The following BAG6 variants were observed in gnomAD, a reference collection of about 807,000 sequenced individuals.
The protein encoded by BAG6 is large proline-rich protein BAG6.
A neutral mutation model predicts 121.0 loss-of-function variants in BAG6; 22 were observed. The observed-to-expected ratio is 0.18, with a 90% CI of 0.13 to 0.26. The LOEUF (loss-of-function observed/expected upper bound fraction) is 0.26. BAG6 is among the 10% of genes least tolerant of loss of function. The probability of loss-of-function intolerance (pLI) is 1.00; values close to 1 mark genes in which losing one functional copy is unlikely to be tolerated. For synonymous variants in BAG6, 583 were observed against 584.6 expected, an observed-to-expected ratio of 1.00 and a Z score of 0.04; for missense variants, 1,233 against 1,537.7, an observed-to-expected ratio of 0.80 and a Z score of 3.31.
chr6:31,651,595 G>A (rs1353360917), intron 2 of BAG6, 61 bp downstream of exon 2: 1 of 1,450,392 alleles, frequency 6.9e-7, no homozygotes. Context: ...CATCTCTCAG[G>A]CTAAGGGGCC....
rs62395805 is a variant in BAG6 at position 31,644,591 on chromosome 6, G to C, written c.1381C>G (p.Gln461Glu). The C allele has an allele frequency of 6.2e-7, 1 of 1,612,734 alleles. No homozygotes were observed. The highest frequency in any genetic ancestry group is 1.1e-5 in the South Asian group (1 of 91,006). The change falls in exon 11 of 26, where the codon CAG (glutamine) becomes GAG (glutamate). Residue 461 changes from glutamine (Q) to glutamate (E), a missense_variant. By Grantham distance (29) the Gln-to-Glu change is conservative (BLOSUM62 2). Coordinates refer to ENST00000676615, the MANE Select transcript of BAG6 (RefSeq NM_001387994.1). The surrounding 1 kb of genome is among the most constrained non-coding windows in gnomAD (Gnocchi z 4.9). ...GGAGCACTCGGAACACCACCAGGCT[G>C]TGTGCCAGAATCTGGGCAGGGAGAC... ...MHMNIQDSGT[Q>E]PGGVPSAPTG...
Position 31,644,347 on chromosome 6 carries a change from A to G in BAG6, c.1515T>C (p.Thr505=). The G allele has an allele frequency of 6.4e-7, 1 of 1,551,578 alleles. No homozygotes were observed. Among genetic ancestry groups the G allele is most frequent in the Non-Finnish European group, 8.7e-7 (1 of 1,147,176 alleles). Reference sequence around the variant, plus strand: ...CAACAGCTGCCACCATGGCCTGATGAGTGATCTGGTGGGCGACGGCGTGCA... The same window carrying G: ...CAACAGCTGCCACCATGGCCTGATGGGTGATCTGGTGGGCGACGGCGTGCA... The part of the protein sequence containing the change: ...EFMHAVAHQI[T]HQAMVAAVAS... The change falls in exon 12 of 26, where the codon ACT becomes ACC. Residue 505 remains threonine (T), a synonymous_variant. Transcript: ENST00000676615. The surrounding 1 kb of genome is among the most constrained non-coding windows in gnomAD (Gnocchi z 4.9).
At chr6:31,645,293 A>G in intron 9 of BAG6, 95 bp from the exon 10 acceptor site, 2 of 1,605,574 alleles carry the variant, frequency 1.2e-6, no homozygotes, top group Middle Eastern at 1.7e-4. Flanking sequence ...TCCAGCCTTC[A>G]TCACCATGTT....
rs1561886532 is a variant in BAG6 at position 31,641,527 on chromosome 6, AG to A, written c.2559+11del. ...ACCCAGGAGAGGAAAGGAATAGAGA[AG>A]GGTTACTCACAAAACTCTCCCGCAC... On this transcript the variant is annotated intron_variant, in intron 18 of 25. Transcript: ENST00000676615. The surrounding 1 kb of genome is among the most constrained non-coding windows in gnomAD (Gnocchi z 5.7). 5 of 1,614,170 alleles carry A rather than the reference AG, an allele frequency of 3.1e-6. No homozygotes were observed. The highest frequency in any genetic ancestry group is 3.4e-6 in the Non-Finnish European group (4 of 1,180,006).
At chr6:31,646,590 G>A (rs1355503165) in intron 7 of BAG6, 67 bp from the exon 8 acceptor site, 60 of 1,579,882 alleles carry the variant, frequency 3.8e-5, no homozygotes, top group Middle Eastern at 4.3e-4. Flanking sequence ...CAGTCAACAG[G>A]GACCACATGT....
At position 31,644,919 on chromosome 6, in the gene BAG6, G is replaced by C. The variant is rs777446654; in HGVS notation, c.1369+27C>G. Reference sequence around the variant, plus strand: ...GAACCTCCCTCATCATGCTGATCCTGCTCTTCTCGCCAGCAACTATTCTCA... The same window carrying C: ...GAACCTCCCTCATCATGCTGATCCTCCTCTTCTCGCCAGCAACTATTCTCA... On this transcript the variant is annotated intron_variant, in intron 10 of 25. Transcript: ENST00000676615. The surrounding 1 kb of genome is among the most constrained non-coding windows in gnomAD (Gnocchi z 4.9). 62 of 1,550,902 alleles carry C rather than the reference G, an allele frequency of 4.0e-5. No homozygotes were observed. The East Asian group carries it at 1.4e-3, about 34-fold the overall frequency.
In BAG6 at chr6:31,643,015, C is replaced by G; in HGVS notation, c.1857G>C (p.Gly619=). The part of the protein sequence containing the change: ...NTATTAGPAP[G]GPAQPPPTPQ... ...GGGTGGGTGGAGGCTGGGCAGGCCC[C>G]CCAGGAGCGGGGCCAGCTGTGGTAG... The change falls in exon 15 of 26, where the codon GGG becomes GGC. Residue 619 remains glycine, a synonymous_variant. Transcript: ENST00000676615. The G allele has an allele frequency of 6.3e-7, 1 of 1,591,176 alleles. No individual in the cohort carries two copies. The highest frequency in any genetic ancestry group is 8.5e-7 in the Non-Finnish European group (1 of 1,170,032).
At chr6:31,642,576 C>T (rs1784011023) in intron 15 of BAG6, 173 bp from the exon 16 acceptor site, 1 of 633,254 alleles carries the variant, frequency 1.6e-6, no homozygotes, top group East Asian at 2.7e-5. Flanking sequence ...AGTCAGGCAG[C>T]ACAACTTACC....
rs148657712 is a variant in BAG6, at chr6:31,648,417, G to A, written c.552+260C>T. 5.6e-4 allele frequency among the ~76,000 whole-genome samples: 85 copies of A among 152,202 alleles called. No individual in the cohort carries two copies. The East Asian group carries it at 0.013, about 22-fold the overall frequency. On this transcript the variant is annotated intron_variant, in intron 6 of 25. Transcript: ENST00000676615. ...TTCCCAGCCTCCACAAGTTAAGAGA[G>A]TAGAATCCTTTAATTGAAAAGAGAT... is the stretch of plus-strand genomic sequence containing the variant.
chr6:31,648,784 A>G (rs41267058), intron 5 of BAG6, 33 bp from the exon 6 acceptor site: 18,569 of 1,612,824 alleles, frequency 0.012, 184 homozygotes, highest in South Asian at 0.038. Context: ...AGGGTAGGTT[A>G]CAGATGAAGC....
chr6:31,639,347 C>A, intron 25 of BAG6, 121 bp from the exon 26 acceptor site: 2 of 1,443,278 alleles, frequency 1.4e-6, no homozygotes, highest in Non-Finnish European at 1.9e-6. Flanking sequence ...GTCAAATAGC[C>A]CGGGGTGGCA....
Position 31,642,919 on chromosome 6 carries a change from CCCTGGCCCT to C in BAG6, c.1944_1952del (p.Gly649_Gly651del). 1 of 1,610,930 alleles carries C rather than the reference CCCTGGCCCT, an allele frequency of 6.2e-7. No individual in the cohort carries two copies. Among genetic ancestry groups the C allele is most frequent in the African/African-American group, 1.3e-5 (1 of 74,996 alleles). ...GAGAAGCCACACCAGACCCTCCAGC[CCCTGGCCCT>C]GCAGGCCCTAGCAGGTTCCCCAGAA... is the stretch of plus-strand genomic sequence containing the variant. On this transcript the variant is annotated inframe_deletion, in exon 15 of 26. Coordinates refer to ENST00000676615, the MANE Select transcript of BAG6 (RefSeq NM_001387994.1).
chr6:31,645,946 C>G (rs1057420820), intron 8 of BAG6, among the ~76,000 whole-genome samples: 1 of 152,208 alleles, frequency 6.6e-6, no homozygotes, highest in Non-Finnish European at 1.5e-5. Flanking sequence ...AAATCACTTA[C>G]AGGTTTAGAG....
intron 5 of BAG6, 44 bp from the exon 6 acceptor site, chr6:31,648,795 C>T (rs1793110748): frequency 6.2e-7 from 1 of 1,611,228 alleles, no homozygotes; most frequent in South Asian, 1.1e-5. Flanking sequence ...CAGATGAAGC[C>T]ATGAGTTCTA....
At position 31,639,174 on chromosome 6, in the gene BAG6, T is replaced by A. The variant is rs1319575491; in HGVS notation, c.3446A>T (p.Gln1149Leu). 3.7e-6 allele frequency: 6 copies of A among 1,613,866 alleles called. No individual in the cohort carries two copies. The highest frequency in any genetic ancestry group is 5.1e-6 in the Non-Finnish European group (6 of 1,179,958). ...GGCCCGCTGGGCATTGGGGAAGCGCTGGGGACTGTAGTTGGGGTCTTCCTG... is the reference window on the plus strand; with the variant it reads ...GGCCCGCTGGGCATTGGGGAAGCGCAGGGGACTGTAGTTGGGGTCTTCCTG... ...RLQEDPNYSP[Q>L]RFPNAQRAFA... Residue 1149 changes from glutamine to leucine, a missense_variant, in exon 26 of 26, where the codon CAG becomes CTG. This residue lies in a region of BAG6 where 102 missense variants were observed against 103.2 expected (regional missense o/e 0.99). Transcript: ENST00000676615.
Position 31,643,084 on chromosome 6 carries a change from T to C in BAG6, c.1788A>G (p.Pro596=). The change falls in exon 15 of 26, where the codon CCA becomes CCG. Residue 596 remains proline (P), a synonymous_variant. Coordinates refer to ENST00000676615, the MANE Select transcript of BAG6 (RefSeq NM_001387994.1). ...CACTGGCAGAAGCAGTGGCAGGGGC[T>C]GGCGGTGGAGCCATACCTGGGGTCC... ...AQGTPGMAPP[P]APATASASAG... is the part of the protein sequence containing the mutation. 1 of 1,583,498 alleles carries C rather than the reference T, an allele frequency of 6.3e-7. No homozygotes were observed. The highest frequency in any genetic ancestry group is 1.8e-5 in the Admixed American group (1 of 54,658).
At chr6:31,651,965 C>A in intron 1 of BAG6, 189 bp from the exon 2 acceptor site, 1 of 533,374 alleles carries the variant, frequency 1.9e-6, no homozygotes, top group East Asian at 2.8e-5. Flanking sequence ...AGGAGATCGA[C>A]GGCTTAGGGA....
chr6:31,646,933 C>G (rs1242841141), intron 7 of BAG6, among the ~76,000 whole-genome samples: 1 of 151,978 alleles, frequency 6.6e-6, no homozygotes, highest in African/African-American at 2.4e-5. Flanking sequence ...GCCACCATGC[C>G]CAGCTAATTT....
Position 31,645,205 on chromosome 6 carries a change from A to C in BAG6, c.1117-7T>G. Reference sequence around the variant, plus strand: ...CAGTGGTTCCCACATTGATCTGAAAAAGACAGATGGACAGGCAGATGTGAG... The same window carrying C: ...CAGTGGTTCCCACATTGATCTGAAACAGACAGATGGACAGGCAGATGTGAG... On this transcript the variant is annotated splice_region_variant and splice_polypyrimidine_tract_variant and intron_variant, in intron 9 of 25. Transcript: ENST00000676615. 1 of 1,606,626 alleles carries C rather than the reference A, an allele frequency of 6.2e-7. No individual in the cohort carries two copies. Among genetic ancestry groups the C allele is most frequent in the Non-Finnish European group, 8.5e-7 (1 of 1,176,716 alleles).
Sources: gnomAD v4.1 joint callset for allele counts (sites outside exome capture counted in the v4.1 genomes callset) on GRCh38, gnomAD v4.1.1 for gene constraint, gnomAD v4.1.1 regional missense constraint, Gnocchi (gnomAD v3.1) non-coding constraint, MANE v1.5 for transcripts, NCBI Gene and HGNC (gene_info 2026-07-23, HGNC 2026-07-21) for gene names.